SLC25A21: variants seen among roughly 807,000 people sequenced by gnomAD.
The protein encoded by SLC25A21 is solute carrier family 25 member 21.
Under a neutral mutation model 43.8 loss-of-function variants are expected in SLC25A21, and 47 were observed. The ratio of observed to expected loss-of-function variants is 1.07; its 90% CI spans 0.85 to 1.37. The LOEUF is 1.37. Among genes scored for constraint, SLC25A21 ranks in the 40% most tolerant of loss-of-function variants. The pLI is 0.00. For missense variants in SLC25A21, 352 were observed against 350.2 expected, an observed-to-expected ratio of 1.00 and a Z score of -0.04; for synonymous variants, 131 against 121.3, an observed-to-expected ratio of 1.08 and a Z score of -0.52.
intron 1 of SLC25A21, among the ~76,000 whole-genome samples, chr14:37,123,504 T>A (rs918270804): frequency 1.3e-5 from 2 of 152,190 alleles, no homozygotes; most frequent in African/African-American, 4.8e-5. Flanking sequence ...TCCCATTTAA[T>A]ATAATGATAC....
chr14:37,135,454 T>G (rs1963464409), intron 1 of SLC25A21, among the ~76,000 whole-genome samples: 1 of 150,834 alleles, frequency 6.6e-6, no homozygotes, highest in Admixed American at 6.6e-5. Flanking sequence ...CTCCAACTCC[T>G]AGGCTCAAAA....
chr14:36,901,026 C>G (rs1211229193), intron 1 of SLC25A21, among the ~76,000 whole-genome samples: 2 of 151,912 alleles, frequency 1.3e-5, no homozygotes, highest in Non-Finnish European at 2.9e-5. Context: ...CTATATATTA[C>G]AGAACAGCTG....
chr14:37,049,685 T>C (rs908414507), intron 1 of SLC25A21, among the ~76,000 whole-genome samples: 10 of 152,208 alleles, frequency 6.6e-5, no homozygotes, highest in Non-Finnish European at 1.3e-4. Context: ...TGTAAGTCCA[T>C]ATTTGTAATT....
intron 1 of SLC25A21, among the ~76,000 whole-genome samples, chr14:36,903,360 A>T (rs1357210847): frequency 6.6e-6 from 1 of 151,990 alleles, no homozygotes; most frequent in African/African-American, 2.4e-5. Context: ...TTTTAAAAAT[A>T]AATTGCTTTG....
intron 1 of SLC25A21, among the ~76,000 whole-genome samples, chr14:36,927,247 C>T (rs1202908199): frequency 6.6e-6 from 1 of 152,158 alleles, no homozygotes; most frequent in African/African-American, 2.4e-5. Flanking sequence ...GGTACAAGAA[C>T]CCTAAATGTA....
intron 5 of SLC25A21, among the ~76,000 whole-genome samples, chr14:36,727,187 T>A (rs1463542106): frequency 6.6e-6 from 1 of 152,202 alleles, no homozygotes; most frequent in Non-Finnish European, 1.5e-5. Flanking sequence ...CAACTTTTCA[T>A]TATTTACCCA....
intron 2 of SLC25A21, among the ~76,000 whole-genome samples, chr14:36,830,553 G>A (rs1889001183): frequency 6.6e-6 from 1 of 151,914 alleles, no homozygotes; most frequent in African/African-American, 2.4e-5. Context: ...AGGGAAAGGG[G>A]TACTAGACAT....
At chr14:37,162,899 C>A (rs1963970290) in intron 1 of SLC25A21, among the ~76,000 whole-genome samples, 3 of 152,068 alleles carry the variant, frequency 2.0e-5, no homozygotes, top group Admixed American at 2.0e-4. Context: ...CCCAAATGTC[C>A]AACAATGATA....
rs995257367 is a variant in SLC25A21, at chr14:37,049,657, T to C, written c.70+122624A>G. ...TCAGACTGATGTTGTACAATAGATATATAATGAGACCCACATATGTAAGTC... is the reference window on the plus strand; with the variant it reads ...TCAGACTGATGTTGTACAATAGATACATAATGAGACCCACATATGTAAGTC... On this transcript the variant is annotated intron_variant, in intron 1 of 9. Coordinates refer to ENST00000331299, the MANE Select transcript of SLC25A21 (RefSeq NM_030631.4). 3.9e-5 allele frequency among the ~76,000 whole-genome samples: 6 copies of C among 152,306 alleles called. 1 individual carries two copies. The highest frequency in any genetic ancestry group is 1.9e-4 in the East Asian group (1 of 5,188).
chr14:37,137,900 TTAAAG>T (rs1441571669), intron 1 of SLC25A21, among the ~76,000 whole-genome samples: 4 of 152,158 alleles, frequency 2.6e-5, no homozygotes, highest in African/African-American at 7.2e-5. Context: ...GTTGAAAAAA[TTAAAG>T]TATGCTAAAG....
chr14:36,772,336 A>C (rs1323132273), intron 3 of SLC25A21, among the ~76,000 whole-genome samples: 1 of 152,232 alleles, frequency 6.6e-6, no homozygotes, highest in African/African-American at 2.4e-5. Flanking sequence ...GAGACATAAA[A>C]AAATCTCCAA....
chr14:37,093,140 C>T (rs1352559724), intron 1 of SLC25A21, among the ~76,000 whole-genome samples: 1 of 152,144 alleles, frequency 6.6e-6, no homozygotes, highest in Non-Finnish European at 1.5e-5. Flanking sequence ...GCTAAGATGG[C>T]TGCTATCATA....
chr14:36,906,704 C>T (rs976101368), intron 1 of SLC25A21, among the ~76,000 whole-genome samples: 1 of 152,014 alleles, frequency 6.6e-6, no homozygotes, highest in Non-Finnish European at 1.5e-5. Flanking sequence ...CGGGGTATCA[C>T]CATGTTGGCC....
At chr14:37,052,148 A>C (rs2138799345) in intron 1 of SLC25A21, among the ~76,000 whole-genome samples, 1 of 152,360 alleles carries the variant, frequency 6.6e-6, no homozygotes, top group Non-Finnish European at 1.5e-5. Flanking sequence ...AATTTCCCTT[A>C]ATAGGATAAA....
intron 1 of SLC25A21, among the ~76,000 whole-genome samples, chr14:36,884,385 T>A (rs1223413432): frequency 6.6e-6 from 1 of 152,172 alleles, no homozygotes; most frequent in Non-Finnish European, 1.5e-5. Context: ...CTGATGGACA[T>A]TTAGGTTGGT....
chr14:36,782,281 T>C (rs1887092361), intron 3 of SLC25A21, among the ~76,000 whole-genome samples: 1 of 152,240 alleles, frequency 6.6e-6, no homozygotes, highest in Non-Finnish European at 1.5e-5. Flanking sequence ...TGCCCAATAT[T>C]TGGGAAGTTA....
chr14:36,834,721 A>C (rs1889150288), intron 2 of SLC25A21, among the ~76,000 whole-genome samples: 1 of 151,956 alleles, frequency 6.6e-6, no homozygotes, highest in African/African-American at 2.4e-5. Flanking sequence ...AGGTTTTCTG[A>C]CTCTACAAGG....
At chr14:36,950,332 T>G (rs1892777691) in intron 1 of SLC25A21, among the ~76,000 whole-genome samples, 13 of 152,124 alleles carry the variant, frequency 8.5e-5, no homozygotes, top group Admixed American at 8.5e-4. Flanking sequence ...GATAGGGCTG[T>G]TAAGGTGGTA....
chr14:36,876,942 C>G (rs3985277), intron 1 of SLC25A21, among the ~76,000 whole-genome samples: 2 of 133,220 alleles, frequency 1.5e-5, no homozygotes, highest in African/African-American at 6.1e-5. Flanking sequence ...GATAGATACA[C>G]ACACACACAT....
Sources: gnomAD v4.1 joint callset for allele counts (sites outside exome capture counted in the v4.1 genomes callset) on GRCh38, gnomAD v4.1.1 for gene constraint, MANE v1.5 for transcripts, NCBI Gene and HGNC (gene_info 2026-07-23, HGNC 2026-07-21) for gene names.